The following NFRKB variants were observed in gnomAD, a reference collection of about 807,000 sequenced individuals.
NFRKB encodes the protein nuclear factor related to kappa-B-binding protein.
NFRKB carries 62 observed loss-of-function variants against 135.7 expected under a neutral mutation model. The observed-to-expected ratio is 0.46, with a 90% CI of 0.37 to 0.56. The LOEUF (loss-of-function observed/expected upper bound fraction) is 0.56. Among genes scored for constraint, NFRKB ranks in the 20% least tolerant of loss-of-function variants. NFRKB has a pLI of 0.00. For synonymous variants in NFRKB, 678 were observed against 635.6 expected (o/e 1.07, Z -1.00); for missense variants, 1,545 against 1,662.0 (o/e 0.93, Z 1.22).
At chr11:129,883,097 C>T (rs768592027) in intron 9 of NFRKB, 25 bp downstream of exon 9, 3 of 1,610,406 alleles carry the variant, frequency 1.9e-6, no homozygotes, top group South Asian at 1.1e-5. Flanking sequence ...CAGATGAAGG[C>T]TCCTAGAGGG....
Position 129,870,160 on chromosome 11 carries a change from C to T in NFRKB, c.2865G>A (p.Leu955=), listed in dbSNP as rs1948431125. The change falls in exon 24 of 27, where the codon CTG becomes CTA. Residue 955 remains leucine (L), a synonymous_variant. Transcript: ENST00000682444. ...FRIQGKDVLR[L]PPSSITTDAK... ...CATCTGTGGTGATGGAAGAGGGCGG[C>T]AGACGCAATACATCCTTACCCTGGA... is the stretch of plus-strand genomic sequence containing the variant. 1.2e-6 allele frequency: 2 copies of T among 1,614,118 alleles called. No individual in the cohort carries two copies. The highest frequency in any genetic ancestry group is 1.3e-5 in the African/African-American group (1 of 74,934).
In NFRKB at chr11:129,883,300, T is replaced by C. The variant is rs994564425; in HGVS notation, c.817-94A>G. Reference sequence around the variant, plus strand: ...ATTTATGTAACAATTAGATGTTAGGTACACTTGGGGAAATCACATTGAGTC... The same window carrying C: ...ATTTATGTAACAATTAGATGTTAGGCACACTTGGGGAAATCACATTGAGTC... On this transcript the variant is annotated intron_variant, in intron 8 of 26. Coordinates refer to ENST00000682444, the MANE Select transcript of NFRKB (RefSeq NM_001143835.2). The C allele has an allele frequency of 7.0e-6, 6 of 860,656 alleles. No homozygotes were observed. The African/African-American group carries it at 1.0e-4, about 14-fold the overall frequency. The allele number at this position is 860,656 out of a possible 1,614,324, so 53.3% of individuals were successfully genotyped here. A position where few individuals can be genotyped will look rare whatever the true frequency, so the allele number is the denominator to read the frequency against.
chr11:129,866,217 G>A (rs1948185356), intron 24 of NFRKB, among the ~76,000 whole-genome samples: 1 of 152,092 alleles, frequency 6.6e-6, no homozygotes, highest in South Asian at 2.1e-4. Context: ...GCCACCAGAA[G>A]CAGCAGCAAC....
rs770362141 is a variant in NFRKB at position 129,865,987 on chromosome 11, G to GA, written c.3532-5dup. 3.9e-4 allele frequency: 601 copies of GA among 1,546,178 alleles called. No homozygotes were observed. The highest frequency in any genetic ancestry group is 1.0e-3 in the Admixed American group (52 of 49,896). On this transcript the variant is annotated splice_region_variant and splice_polypyrimidine_tract_variant and intron_variant, in intron 24 of 26. Coordinates refer to ENST00000682444, the MANE Select transcript of NFRKB (RefSeq NM_001143835.2). ...TGATCCGTGTAGGCAACTTCCCCTA[G>GA]AAAAAAAAAGCAGTCAGGTTTTGTA...
At chr11:129,883,019 G>T in intron 9 of NFRKB, 103 bp downstream of exon 9, 2 of 1,009,752 alleles carry the variant, frequency 2.0e-6, no homozygotes, top group Non-Finnish European at 3.0e-6. Context: ...AAGGTTACCA[G>T]CATGAGAGAG....
intron 18 of NFRKB, 68 bp downstream of exon 18, chr11:129,875,289 G>GT (rs1948707468): frequency 3.9e-6 from 5 of 1,268,336 alleles, no homozygotes; most frequent in Admixed American, 2.3e-5. Context: ...GTTATATTTT[G>GT]TATTTCCTGA....
At chr11:129,873,336 T>A (rs1948606681) in intron 22 of NFRKB, among the ~76,000 whole-genome samples, 4 of 152,244 alleles carry the variant, frequency 2.6e-5, no homozygotes, top group African/African-American at 9.6e-5. Context: ...GGACAAATAC[T>A]ATCTTACCCC....
intron 23 of NFRKB, among the ~76,000 whole-genome samples, chr11:129,870,907 T>G (rs1350191583): frequency 6.6e-6 from 1 of 152,154 alleles, no homozygotes; most frequent in Non-Finnish European, 1.5e-5. Context: ...CCTGGCTAAC[T>G]CTACACCTCC....
In NFRKB at chr11:129,874,459, T is replaced by A. The variant is rs1366065464; in HGVS notation, c.2058+42A>T. 1 of 1,593,276 alleles carries A rather than the reference T, an allele frequency of 6.3e-7. No homozygotes were observed. The highest frequency in any genetic ancestry group is 1.1e-5 in the South Asian group (1 of 87,344). Reference sequence around the variant, plus strand: ...GAGCAGCCACTCTTAGTTGCCTCCATCCCAGAATCCCTAGGGCAGACACTC... The same window carrying A: ...GAGCAGCCACTCTTAGTTGCCTCCAACCCAGAATCCCTAGGGCAGACACTC... On this transcript the variant is annotated intron_variant, in intron 20 of 26. Coordinates refer to ENST00000682444, the MANE Select transcript of NFRKB (RefSeq NM_001143835.2). This position sits in a 1 kb window ranked among gnomAD's most constrained non-coding sequence, Gnocchi z 4.5.
At chr11:129,869,467 G>A in intron 24 of NFRKB, 27 bp downstream of exon 24, 1 of 1,573,472 alleles carries the variant, frequency 6.4e-7, no homozygotes, top group Non-Finnish European at 8.6e-7. Context: ...AAAAAAGAAG[G>A]CCTAAGCTTT....
intron 5 of NFRKB, among the ~76,000 whole-genome samples, chr11:129,885,981 G>A (rs1467048003): frequency 6.6e-6 from 1 of 152,166 alleles, no homozygotes; most frequent in African/African-American, 2.4e-5. Flanking sequence ...ACAGCATTCA[G>A]AGGCCCATGC....
At chr11:129,867,449 T>A (rs920441059) in intron 24 of NFRKB, among the ~76,000 whole-genome samples, 5 of 151,610 alleles carry the variant, frequency 3.3e-5, no homozygotes, top group Non-Finnish European at 5.9e-5. Context: ...CCTGAGTAGC[T>A]GGGATTACTG....
Position 129,874,504 on chromosome 11 carries a change from C to T in NFRKB, c.2055G>A (p.Lys685=). The change falls in exon 20 of 27, where the codon AAG becomes AAA. Residue 685 remains lysine (K), a synonymous_variant. Transcript: ENST00000682444. The surrounding 1 kb of genome is among the most constrained non-coding windows in gnomAD (Gnocchi z 4.5). The stretch of plus-strand genomic sequence containing the variant: ...ACACTCTCCTGAAGTCACTTACCAC[C>T]TTGGATGGGGGCTTGGGTTTTTGCT... ...ALQQKPKPPS[K]VKSSSKESSI... is the part of the protein sequence containing the mutation. 6.2e-7 allele frequency: 1 copy of T among 1,613,706 alleles called. No homozygotes were observed. The highest frequency in any genetic ancestry group is 8.5e-7 in the Non-Finnish European group (1 of 1,179,854).
intron 2 of NFRKB, chr11:129,893,093 C>T (rs1012593491): frequency 1.4e-5 from 19 of 1,405,848 alleles, no homozygotes; most frequent in Middle Eastern, 2.2e-4. Flanking sequence ...AATGCTCCTA[C>T]AGTAACTCCT....
intron 18 of NFRKB, 94 bp downstream of exon 18, chr11:129,875,263 A>G: frequency 1.9e-6 from 2 of 1,053,424 alleles, no homozygotes; most frequent in East Asian, 5.2e-5. Context: ...CACTTCATTC[A>G]GTTTTTAAAA....
chr11:129,893,076 T>C, intron 2 of NFRKB: 1 of 1,420,068 alleles, frequency 7.0e-7, no homozygotes, highest in East Asian at 2.6e-5. Context: ...AAGAGCTCTT[T>C]TCTCAGAATG....
At chr11:129,871,890 C>T (rs1318279562) in intron 23 of NFRKB, among the ~76,000 whole-genome samples, 2 of 151,954 alleles carry the variant, frequency 1.3e-5, no homozygotes, top group Non-Finnish European at 2.9e-5. Flanking sequence ...TATAATCTAA[C>T]TACTGGCAAC....
chr11:129,877,429 T>C, intron 15 of NFRKB, 44 bp from the exon 16 acceptor site: 1 of 1,564,082 alleles, frequency 6.4e-7, no homozygotes, highest in Non-Finnish European at 8.8e-7. Context: ...AGCTGGCACG[T>C]GTGTCAGACC....
Position 129,869,838 on chromosome 11 carries a change from C to G in NFRKB, c.3187G>C (p.Ala1063Pro). 1.2e-6 allele frequency: 2 copies of G among 1,614,254 alleles called. No homozygotes were observed. The highest frequency in any genetic ancestry group is 8.5e-7 in the Non-Finnish European group (1 of 1,180,056). ...ASSSAFRLMP[A>P]LGVSVADQKG... ...TGGTCAGCCACACTCACGCCAAGAG[C>G]TGGCATCAAGCGAAAAGCCGAACTT... The change falls in exon 24 of 27, where the codon GCT becomes CCT. Residue 1063 changes from alanine (A) to proline (P), a missense_variant. Physicochemically the swap from Ala to Pro is conservative, Grantham distance 27. Transcript: ENST00000682444.
Sources: gnomAD v4.1 joint callset for allele counts (sites outside exome capture counted in the v4.1 genomes callset) on GRCh38, gnomAD v4.1.1 for gene constraint, Gnocchi (gnomAD v3.1) non-coding constraint, MANE v1.5 for transcripts, NCBI Gene and HGNC (gene_info 2026-07-23, HGNC 2026-07-21) for gene names.